LARP1B: variants seen among roughly 807,000 people sequenced by gnomAD.
LARP1B encodes La ribonucleoprotein 1B, also known as la-related protein 1B.
Under a neutral mutation model 114.2 loss-of-function variants are expected in LARP1B, and 76 were observed. The observed-to-expected ratio is 0.67, with a 90% CI of 0.55 to 0.81. The LOEUF (loss-of-function observed/expected upper bound fraction) is 0.81. Ranked by LOEUF, LARP1B falls within the 30% of genes least tolerant of loss-of-function variation. The pLI, the probability that LARP1B is intolerant of heterozygous loss-of-function variation, is 0.00. For missense variants in LARP1B, 1,014 were observed against 1,075.8 expected (o/e 0.94, Z 0.80); for synonymous variants, 345 against 348.0 (o/e 0.99, Z 0.10).
intron 7 of LARP1B, among the ~76,000 whole-genome samples, chr4:128,095,717 T>TC (rs147484970): frequency 0.027 from 4,168 of 152,214 alleles, 180 homozygotes; most frequent in African/African-American, 0.096. Context: ...TGCCTTTTTT[T>TC]CAAAGATAGA....
chr4:128,070,141 A>T (rs1415251715), intron 1 of LARP1B, among the ~76,000 whole-genome samples: 1 of 151,750 alleles, frequency 6.6e-6, no homozygotes, highest in African/African-American at 2.4e-5. Context: ...ACACGGTGAA[A>T]CCCTGTCTCT....
chr4:128,100,144 TAG>T (rs1779773605), intron 8 of LARP1B, among the ~76,000 whole-genome samples: 1 of 151,554 alleles, frequency 6.6e-6, no homozygotes, highest in African/African-American at 2.4e-5. Flanking sequence ...ATATTTTTAA[TAG>T]AGACGAGATT....
chr4:128,075,798 C>T (rs552951342), intron 3 of LARP1B, among the ~76,000 whole-genome samples: 1 of 152,308 alleles, frequency 6.6e-6, no homozygotes, highest in Admixed American at 6.5e-5. Context: ...TGGCTCGCCT[C>T]AGCCTCCCAA....
intron 3 of LARP1B, among the ~76,000 whole-genome samples, chr4:128,076,653 A>C (rs951290665): frequency 3.3e-5 from 5 of 152,198 alleles, no homozygotes; most frequent in African/African-American, 1.2e-4. Flanking sequence ...TAGCTTTTTA[A>C]GAAACTGCTG....
At position 128,107,606 on chromosome 4, in the gene LARP1B, G is replaced by A. The variant is rs1047123123; in HGVS notation, c.988+293G>A. 5.6e-5 allele frequency: 78 copies of A among 1,386,506 alleles called. No individual in the cohort carries two copies. The Middle Eastern group carries it at 1.1e-3, about 19-fold the overall frequency. The allele number at this position is 1,386,506 out of a possible 1,614,324, so 85.9% of individuals were successfully genotyped here. On this transcript the variant is annotated intron_variant, in intron 9 of 19. Transcript: ENST00000326639. The stretch of plus-strand genomic sequence containing the variant: ...ATTTTTACTAAATAACTATAGATAT[G>A]TATCGTTTTCCCCTGTAAAATTGGA...
intron 12 of LARP1B, among the ~76,000 whole-genome samples, chr4:128,174,363 A>T: frequency 6.6e-6 from 1 of 152,096 alleles, no homozygotes; most frequent in East Asian, 1.9e-4. Context: ...TAATATTTTA[A>T]TATTTACTAT....
At chr4:128,123,498 A>G (rs1399485613) in intron 11 of LARP1B, 1 of 557,064 alleles carries the variant, frequency 1.8e-6, no homozygotes, top group African/African-American at 2.0e-5. Context: ...GTTTTTCACC[A>G]TAGCATATAT....
At chr4:128,084,551 T>C (rs1004472990) in intron 5 of LARP1B, among the ~76,000 whole-genome samples, 3 of 151,122 alleles carry the variant, frequency 2.0e-5, no homozygotes, top group Non-Finnish European at 3.0e-5. Context: ...GGCAGGGAGG[T>C]TGCAGTGAGC....
intron 1 of LARP1B, among the ~76,000 whole-genome samples, chr4:128,063,114 TG>T (rs1760927343): frequency 6.6e-6 from 1 of 152,120 alleles, no homozygotes; most frequent in South Asian, 2.1e-4. Context: ...TTATTTTGAT[TG>T]TAGTAACTGC....
intron 8 of LARP1B, among the ~76,000 whole-genome samples, chr4:128,099,764 G>A (rs1337731279): frequency 6.6e-6 from 1 of 151,732 alleles, no homozygotes; most frequent in African/African-American, 2.4e-5. Flanking sequence ...TAAATATCTA[G>A]TATTGTGATT....
At chr4:128,077,162 C>T (rs1768254029) in intron 3 of LARP1B, among the ~76,000 whole-genome samples, 1 of 152,054 alleles carries the variant, frequency 6.6e-6, no homozygotes, top group Non-Finnish European at 1.5e-5. Flanking sequence ...GATTTGCCAT[C>T]AGTGTATCTT....
At chr4:128,073,589 T>TTTTG (rs1561057002) in intron 1 of LARP1B, among the ~76,000 whole-genome samples, 47 of 38,394 alleles carry the variant, frequency 1.2e-3, no homozygotes, top group East Asian at 3.0e-3. Context: ...TTTTTTTTTT[T>TTTTG]TTTTTTTTTT....
chr4:128,219,823 AT>A (rs1759856888), intron 6 of LARP1B, among the ~76,000 whole-genome samples: 1 of 151,834 alleles, frequency 6.6e-6, no homozygotes, highest in East Asian at 1.9e-4. Context: ...AAATAAATAA[AT>A]AAATAAATGG....
In LARP1B at chr4:128,211,752, T is replaced by C. The variant is rs1468269820; in HGVS notation, c.*1699T>C. On this transcript the variant is annotated 3_prime_UTR_variant, in exon 20 of 20. Transcript: ENST00000326639. ...CAGTGTCCTTTTTGTGTTGAACACA[T>C]ATATCTGAAACCTGTATTTAACCAG... 2.1e-6 allele frequency: 2 copies of C among 951,416 alleles called. No individual in the cohort carries two copies. The highest frequency in any genetic ancestry group is 6.2e-5 in the Admixed American group (1 of 16,208). 58.9% of individuals were successfully genotyped at this position (951,416 alleles called of 1,614,324 possible). A position where few individuals can be genotyped will look rare whatever the true frequency, so the allele number is the denominator to read the frequency against.
At chr4:128,178,039 T>G (rs1413495413) in intron 13 of LARP1B, among the ~76,000 whole-genome samples, 3 of 136,732 alleles carry the variant, frequency 2.2e-5, no homozygotes, top group African/African-American at 9.2e-5. Flanking sequence ...CAAAGTGATA[T>G]ATATATATAT....
At chr4:128,107,518 G>A in intron 9 of LARP1B, 1 of 1,399,512 alleles carries the variant, frequency 7.1e-7, no homozygotes, top group Non-Finnish European at 9.4e-7. Flanking sequence ...GAGGAAAGCT[G>A]TCTTATGTTT....
chr4:128,098,411 C>T lies in LARP1B; in HGVS notation c.813+81C>T. Reference sequence around the variant, plus strand: ...TAAAACTTCTCTGAAAAACAGAGTACTAAAAACAGACAATCTGTAGTTGCT... The same window carrying T: ...TAAAACTTCTCTGAAAAACAGAGTATTAAAAACAGACAATCTGTAGTTGCT... On this transcript the variant is annotated intron_variant, in intron 8 of 19. Coordinates refer to ENST00000326639, the MANE Select transcript of LARP1B (RefSeq NM_018078.4). The T allele has an allele frequency of 2.5e-6, 3 of 1,193,354 alleles. No homozygotes were observed. The South Asian group carries it at 4.4e-5, about 18-fold the overall frequency. The allele number at this position is 1,193,354 out of a possible 1,614,324, so 73.9% of individuals were successfully genotyped here.
chr4:128,119,239 A>G (rs934465091), intron 10 of LARP1B, among the ~76,000 whole-genome samples: 1 of 152,220 alleles, frequency 6.6e-6, no homozygotes, highest in African/African-American at 2.4e-5. Context: ...ACCTAGGCAG[A>G]GAATAGGGAT....
chr4:128,151,281 A>G (rs1362106044), intron 11 of LARP1B, among the ~76,000 whole-genome samples: 4 of 152,196 alleles, frequency 2.6e-5, no homozygotes, highest in South Asian at 2.1e-4. Flanking sequence ...ACACTCTCCT[A>G]CATAACCACA....
Sources: gnomAD v4.1 joint callset for allele counts (sites outside exome capture counted in the v4.1 genomes callset) on GRCh38, gnomAD v4.1.1 for gene constraint, MANE v1.5 for transcripts, NCBI Gene and HGNC (gene_info 2026-07-23, HGNC 2026-07-21) for gene names.